Variants in GDA observed in about 807,000 individuals in gnomAD.
GDA encodes the protein guanine deaminase.
Under a neutral mutation model 59.6 loss-of-function variants are expected in GDA, and 18 were observed. The observed-to-expected ratio is 0.30, with a 90% CI of 0.21 to 0.45. GDA has a LOEUF of 0.45. Among genes scored for constraint, GDA ranks in the 20% least tolerant of loss-of-function variants. The pLI is 1.00. For synonymous variants in GDA, 201 were observed against 201.1 expected (o/e 1.00, Z 0.00); for missense variants, 427 against 552.3 (o/e 0.77, Z 2.27).
intron 1 of GDA, among the ~76,000 whole-genome samples, chr9:72,162,904 G>A (rs951721618): frequency 1.8e-4 from 28 of 152,220 alleles, no homozygotes; most frequent in Non-Finnish European, 3.2e-4. Context: ...TGATCCGCCC[G>A]CCTCGGCCTC....
chr9:72,170,340 T>C (rs188535145), intron 1 of GDA, among the ~76,000 whole-genome samples: 7 of 152,340 alleles, frequency 4.6e-5, no homozygotes, highest in Non-Finnish European at 8.8e-5. Flanking sequence ...AAGCAGTGAA[T>C]GTATATATAG....
rs1840727060 is a variant in GDA, at chr9:72,251,943, G to A, written c.*3601G>A. ...CCAAGAGGGCTTTCACAGTCCACAG[G>A]GTTCAAATGACTTGGGTAACAGAAG... On this transcript the variant is annotated 3_prime_UTR_variant, in exon 14 of 14. Coordinates refer to ENST00000358399, the MANE Select transcript of GDA (RefSeq NM_004293.5). 6.6e-6 allele frequency: 1 copy of A among 152,140 alleles called. No homozygotes were observed. Among genetic ancestry groups the A allele is most frequent in the Admixed American group, 6.6e-5 (1 of 15,264 alleles). The allele number at this position is 152,140 out of a possible 1,614,324, so 9.4% of individuals were successfully genotyped here. A position where few individuals can be genotyped will look rare whatever the true frequency, so the allele number is the denominator to read the frequency against.
In GDA at chr9:72,121,453, T is replaced by C. The variant is rs1825657204; in HGVS notation, c.-100+6620T>C. On this transcript the variant is annotated intron_variant, in intron 1 of 13. Coordinates refer to the GDA transcript ENST00000545168. The stretch of plus-strand genomic sequence containing the variant: ...CTCTACTAAAAATACAAAAATTAGC[T>C]GGGCGTGGTGGCAGGCGCCTGTAAT... Among the ~76,000 whole-genome samples, 5 of 152,104 alleles carry C rather than the reference T, an allele frequency of 3.3e-5. No individual in the cohort carries two copies. The East Asian group carries it at 9.7e-4, about 30-fold the overall frequency.
chr9:72,216,824 C>T (rs1167975530), intron 5 of GDA, among the ~76,000 whole-genome samples: 3 of 151,998 alleles, frequency 2.0e-5, no homozygotes, highest in Admixed American at 6.6e-5. Context: ...TACAGGCGCC[C>T]GCCACCACGC....
At chr9:72,129,845 G>A (rs537409282) in intron 1 of GDA, among the ~76,000 whole-genome samples, 1 of 152,266 alleles carries the variant, frequency 6.6e-6, no homozygotes, top group East Asian at 1.9e-4. Flanking sequence ...AAGGGCAGGG[G>A]AGTTAACAGA....
In GDA at chr9:72,124,122, A is replaced by G. The variant is rs2130586956; in HGVS notation, c.-100+9289A>G. Among the ~76,000 whole-genome samples the G allele has an allele frequency of 1.3e-5, 2 of 152,318 alleles. 1 individual carries two copies. Among genetic ancestry groups the G allele is most frequent in the South Asian group, 4.1e-4 (2 of 4,826 alleles). On this transcript the variant is annotated intron_variant, in intron 1 of 13. Coordinates refer to the GDA transcript ENST00000545168. ...CCAACCTCTAGCAACAGGAAAAAAGAAGAGAAAACATGGAAAAGAAAAGAA... is the reference window on the plus strand; with the variant it reads ...CCAACCTCTAGCAACAGGAAAAAAGGAGAGAAAACATGGAAAAGAAAAGAA...
intron 1 of GDA, among the ~76,000 whole-genome samples, chr9:72,139,061 A>G (rs1283751264): frequency 6.6e-6 from 1 of 152,204 alleles, no homozygotes; most frequent in African/African-American, 2.4e-5. Context: ...AAGAATATCT[A>G]AAAATATGGA....
chr9:72,250,601 C>T lies in GDA; in HGVS notation c.*2259C>T. ...TATGTATGCTTTTTTTTCTGTACCA[C>T]AGGCATTATCTATACCTGGGGCCAG... On this transcript the variant is annotated 3_prime_UTR_variant, in exon 14 of 14. Transcript: ENST00000358399. 1 of 1,533,294 alleles carries T rather than the reference C, an allele frequency of 6.5e-7. No individual in the cohort carries two copies. The highest frequency in any genetic ancestry group is 1.2e-5 in the South Asian group (1 of 81,874). The allele number at this position is 1,533,294 out of a possible 1,614,324, so 95.0% of individuals were successfully genotyped here. A position where few individuals can be genotyped will look rare whatever the true frequency, so the allele number is the denominator to read the frequency against.
intron 1 of GDA, among the ~76,000 whole-genome samples, chr9:72,182,913 T>A (rs1042284321): frequency 1.3e-5 from 2 of 152,234 alleles, no homozygotes; most frequent in African/African-American, 4.8e-5. Flanking sequence ...TTATTTATTT[T>A]GATGCTCAAA....
Position 72,249,514 on chromosome 9 carries a change from G to A in GDA, c.*1172G>A. 1.7e-6 allele frequency: 1 copy of A among 595,712 alleles called. No homozygotes were observed. Among genetic ancestry groups the A allele is most frequent in the Non-Finnish European group, 2.1e-6 (1 of 474,404 alleles). The allele number at this position is 595,712 out of a possible 1,614,324, so 36.9% of individuals were successfully genotyped here. On this transcript the variant is annotated 3_prime_UTR_variant, in exon 14 of 14. Transcript: ENST00000358399. ...TTTAGGATAATGAAGAGTACATAAT[G>A]TCCTACTTAATATTTATGTTAATAG...
chr9:72,132,603 A>C (rs1826064629), intron 1 of GDA, among the ~76,000 whole-genome samples: 1 of 152,140 alleles, frequency 6.6e-6, no homozygotes, highest in African/African-American at 2.4e-5. Flanking sequence ...AAGATTTCCA[A>C]ATCAGTCAAG....
At chr9:72,155,831 A>G (rs527496965) in intron 1 of GDA, among the ~76,000 whole-genome samples, 14 of 152,328 alleles carry the variant, frequency 9.2e-5, no homozygotes, top group South Asian at 6.2e-4. Flanking sequence ...GAGTACCTCT[A>G]TCACTTATTA....
upstream of GDA, among the ~76,000 whole-genome samples, chr9:72,145,942 C>T (rs1297057832): frequency 6.6e-6 from 1 of 152,144 alleles, no homozygotes; most frequent in African/African-American, 2.4e-5. Context: ...ATCTATTGAG[C>T]ACCTCCTAGT....
Position 72,128,621 on chromosome 9 carries a change from G to A in GDA, c.-100+13788G>A, listed in dbSNP as rs190227520. ...CATATAATGTCTGTGTAACTAGAGTGAATTATTTGTATTAAGATTTTGACA... is the reference window on the plus strand; with the variant it reads ...CATATAATGTCTGTGTAACTAGAGTAAATTATTTGTATTAAGATTTTGACA... On this transcript the variant is annotated intron_variant, in intron 1 of 13. Coordinates refer to the GDA transcript ENST00000545168. Among the ~76,000 whole-genome samples, 524 of 152,214 alleles carry A rather than the reference G, an allele frequency of 3.4e-3. 2 individuals carry two copies. Among genetic ancestry groups the A allele is most frequent in the South Asian group, 0.012 (60 of 4,828 alleles).
At chr9:72,126,787 G>C (rs377122207) in intron 1 of GDA, among the ~76,000 whole-genome samples, 15 of 151,902 alleles carry the variant, frequency 9.9e-5, no homozygotes, top group African/African-American at 2.9e-4. Context: ...GGCTGGTCTT[G>C]AGCGCCTGAC....
intron 1 of GDA, among the ~76,000 whole-genome samples, chr9:72,185,228 G>A (rs1831721662): frequency 6.6e-6 from 1 of 152,074 alleles, no homozygotes; most frequent in African/African-American, 2.4e-5. Context: ...GCTGATCCTT[G>A]GTTTATACTA....
chr9:72,229,222 GC>G (rs1838021210), intron 9 of GDA: 1 of 163,676 alleles, frequency 6.1e-6, no homozygotes, highest in Admixed American at 6.5e-5. Context: ...ATGGTGGCGG[GC>G]GCCTGTAGTC....
At position 72,157,962 on chromosome 9, in the gene GDA, A is replaced by G. The variant is rs1447563262; in HGVS notation, c.123+8280A>G. On this transcript the variant is annotated intron_variant, in intron 1 of 13. Coordinates refer to ENST00000358399, the MANE Select transcript of GDA (RefSeq NM_004293.5). ...GCACATCATGTCCTTTTATGCCTCC[A>G]CATTGTTGGCACCAATTTCTTTGCC... 3.9e-5 allele frequency among the ~76,000 whole-genome samples: 6 copies of G among 152,334 alleles called. No individual in the cohort carries two copies. In the East Asian group the frequency reaches 1.2e-3, roughly 29 times the overall value.
At chr9:72,202,894 T>C in intron 3 of GDA, 152 bp downstream of exon 3, 4 of 467,526 alleles carry the variant, frequency 8.6e-6, no homozygotes, top group Admixed American at 3.8e-5. Context: ...TCCAGTGAGT[T>C]TGTGACCACC....
Sources: allele counts gnomAD v4.1 joint callset (sites outside exome capture counted in the v4.1 genomes callset), GRCh38; gene constraint gnomAD v4.1.1; transcripts MANE v1.5; gene names NCBI Gene and HGNC (gene_info 2026-07-23, HGNC 2026-07-21).